The following RAI14 variants were observed in gnomAD, a reference collection of about 807,000 sequenced individuals.
The protein encoded by RAI14 is ankycorbin.
Under a neutral mutation model 115.4 loss-of-function variants are expected in RAI14, and 45 were observed. That is an observed-to-expected ratio of 0.39 (90% CI 0.31 to 0.50). The LOEUF (loss-of-function observed/expected upper bound fraction) is 0.50. RAI14 is among the 20% of genes least tolerant of loss of function. The pLI, the probability that RAI14 is intolerant of heterozygous loss-of-function variation, is 0.85. For missense variants in RAI14, 939 were observed against 1,131.2 expected, an observed-to-expected ratio of 0.83 and a Z score of 2.44; for synonymous variants, 371 against 415.4, an observed-to-expected ratio of 0.89 and a Z score of 1.30.
intron 3 of RAI14, among the ~76,000 whole-genome samples, chr5:34,772,008 A>C (rs1750226814): frequency 6.6e-6 from 1 of 152,082 alleles, no homozygotes; most frequent in Non-Finnish European, 1.5e-5. Flanking sequence ...TCCTAGGCTT[A>C]AGTGATCCTC....
intron 3 of RAI14, among the ~76,000 whole-genome samples, chr5:34,786,917 A>G (rs920937615): frequency 1.3e-5 from 2 of 152,206 alleles, no homozygotes; most frequent in African/African-American, 4.8e-5. Context: ...AGCTAGTCAT[A>G]AGATTTACTA....
chr5:34,819,318 A>C (rs547826594), intron 13 of RAI14, among the ~76,000 whole-genome samples: 93 of 152,328 alleles, frequency 6.1e-4, no homozygotes, highest in African/African-American at 2.1e-3. Context: ...TGTAGCCTAT[A>C]TATTTTATCT....
chr5:34,801,403 T>G (rs999752760), intron 4 of RAI14, among the ~76,000 whole-genome samples: 2 of 152,242 alleles, frequency 1.3e-5, no homozygotes, highest in African/African-American at 4.8e-5. Context: ...TATGATTCTC[T>G]AATTAGTGAA....
chr5:34,764,339 C>T (rs1749064453), intron 3 of RAI14, among the ~76,000 whole-genome samples: 1 of 152,162 alleles, frequency 6.6e-6, no homozygotes, highest in South Asian at 2.1e-4. Context: ...ATTCTGGTTT[C>T]AGTGGTATGG....
intron 3 of RAI14, among the ~76,000 whole-genome samples, chr5:34,792,257 G>A (rs112388878): frequency 0.095 from 11,610 of 122,028 alleles, 858 homozygotes; most frequent in Middle Eastern, 0.26. Flanking sequence ...TTTTTGAGAC[G>A]GAGTCTCTCT....
chr5:34,673,578 T>G (rs907543789), intron 1 of RAI14, among the ~76,000 whole-genome samples: 7 of 152,164 alleles, frequency 4.6e-5, no homozygotes, highest in African/African-American at 1.7e-4. Flanking sequence ...ACTTGCAACC[T>G]AAGAGTACTG....
At chr5:34,688,088 A>C in intron 2 of RAI14, 1 of 1,454,902 alleles carries the variant, frequency 6.9e-7, no homozygotes, top group Non-Finnish European at 9.1e-7. Context: ...TAAAACTCAT[A>C]GAGTGCAAAG....
intron 2 of RAI14, among the ~76,000 whole-genome samples, chr5:34,728,139 A>G (rs184371908): frequency 6.6e-5 from 10 of 152,178 alleles, no homozygotes; most frequent in African/African-American, 9.6e-5. Flanking sequence ...GTTTTGGCCA[A>G]TTTCTCCCAT....
At chr5:34,780,281 C>A (rs935084812) in intron 3 of RAI14, among the ~76,000 whole-genome samples, 5 of 152,232 alleles carry the variant, frequency 3.3e-5, no homozygotes, top group South Asian at 2.1e-4. Context: ...TAGAAGAAAA[C>A]CTAGGCAATA....
chr5:34,689,492 CTT>C (rs1738304204), intron 2 of RAI14, among the ~76,000 whole-genome samples: 1 of 152,178 alleles, frequency 6.6e-6, no homozygotes, highest in Non-Finnish European at 1.5e-5. Context: ...GGACAAGTCT[CTT>C]ACTCTTCTGA....
chr5:34,755,436 G>A (rs1442840063), intron 2 of RAI14, among the ~76,000 whole-genome samples: 2 of 152,128 alleles, frequency 1.3e-5, no homozygotes, highest in Non-Finnish European at 1.5e-5. Context: ...GTCACGTGAA[G>A]TCTCGAGGTT....
At chr5:34,689,298 G>A (rs533464670) in intron 2 of RAI14, among the ~76,000 whole-genome samples, 50 of 152,140 alleles carry the variant, frequency 3.3e-4, no homozygotes, top group Non-Finnish European at 6.6e-4. Context: ...CCAGCTACTC[G>A]GGAGGCTGAG....
intron 16 of RAI14, among the ~76,000 whole-genome samples, chr5:34,829,162 TACAC>T (rs941790679): frequency 7.7e-6 from 1 of 129,746 alleles, no homozygotes; most frequent in Non-Finnish European, 1.6e-5. Context: ...TAGACACACA[TACAC>T]ACACACACAC....
chr5:34,721,594 A>G (rs917515935), intron 2 of RAI14, among the ~76,000 whole-genome samples: 1 of 152,076 alleles, frequency 6.6e-6, no homozygotes, highest in African/African-American at 2.4e-5. Flanking sequence ...CATGTGGCAA[A>G]TCAATGCCAG....
intron 1 of RAI14, among the ~76,000 whole-genome samples, chr5:34,683,262 C>A (rs1051017547): frequency 2.0e-4 from 31 of 152,160 alleles, no homozygotes; most frequent in African/African-American, 7.2e-4. Context: ...TTATCTTTAT[C>A]ATTGTGGAAT....
chr5:34,829,747 C>A lies in RAI14; in HGVS notation c.2815C>A (p.His939Asn). 6.2e-7 allele frequency: 1 copy of A among 1,611,524 alleles called. No individual in the cohort carries two copies. Among genetic ancestry groups the A allele is most frequent in the South Asian group, 1.1e-5 (1 of 90,700 alleles). Residue 939 changes from histidine (H) to asparagine (N), a missense_variant, in exon 17 of 18, where the codon CAC becomes AAC. His to Asn is a moderately conservative substitution (Grantham distance 68). Transcript: ENST00000265109. ...QNQLAECKKQ[H>N]QEVISVYRMH... is the part of the protein sequence containing the mutation. ...CCCTTTCTAGGAATGCAAGAAACAA[C>A]ACCAGGAGGTCATATCAGTTTACAG... is the stretch of plus-strand genomic sequence containing the variant.
chr5:34,821,233 G>C (rs1050324990), intron 13 of RAI14, among the ~76,000 whole-genome samples: 3 of 152,202 alleles, frequency 2.0e-5, no homozygotes, highest in Admixed American at 2.0e-4. Context: ...CTGGTCTGAC[G>C]TTGCTGTGCA....
At chr5:34,761,947 T>A (rs1257693471) in intron 3 of RAI14, among the ~76,000 whole-genome samples, 1 of 152,130 alleles carries the variant, frequency 6.6e-6, no homozygotes, top group Admixed American at 6.5e-5. Flanking sequence ...TTATATCAAA[T>A]GAACAGGAAC....
At chr5:34,778,704 C>A (rs374924712) in intron 3 of RAI14, among the ~76,000 whole-genome samples, 4 of 151,098 alleles carry the variant, frequency 2.6e-5, no homozygotes, top group African/African-American at 9.7e-5. Flanking sequence ...GAATTTGAGA[C>A]CAGGCTGGGC....
Sources: gnomAD v4.1 joint callset for allele counts (sites outside exome capture counted in the v4.1 genomes callset) on GRCh38, gnomAD v4.1.1 for gene constraint, MANE v1.5 for transcripts, NCBI Gene and HGNC (gene_info 2026-07-23, HGNC 2026-07-21) for gene names.